WNK1: variants seen among roughly 807,000 people sequenced by gnomAD.
The protein encoded by WNK1 is serine/threonine-protein kinase WNK1.
WNK1 carries 38 observed loss-of-function variants against 222.8 expected under a neutral mutation model. That is an observed-to-expected ratio of 0.17 (90% CI 0.13 to 0.22). The LOEUF is 0.22. Ranked by LOEUF, WNK1 falls within the 10% of genes least tolerant of loss-of-function variation. WNK1 has a pLI of 1.00. For missense variants in WNK1, 2,348 were observed against 2,918.4 expected, an observed-to-expected ratio of 0.80 and a Z score of 4.50; for synonymous variants, 1,090 against 1,092.9, an observed-to-expected ratio of 1.00 and a Z score of 0.05.
At chr12:802,622 A>T (rs866476652) in intron 1 of WNK1, among the ~76,000 whole-genome samples, 15 of 149,294 alleles carry the variant, frequency 1.0e-4, no homozygotes, top group Middle Eastern at 3.4e-3. Context: ...AAGGACAATT[A>T]AAAAAAAAAT....
At chr12:762,685 G>A (rs1254629477) in intron 1 of WNK1, among the ~76,000 whole-genome samples, 1 of 147,546 alleles carries the variant, frequency 6.8e-6, no homozygotes, top group East Asian at 2.0e-4. Context: ...ACAGGGGGAA[G>A]TGTAGAGATT....
At chr12:815,282 A>G (rs1364843378) in intron 2 of WNK1, among the ~76,000 whole-genome samples, 2 of 152,172 alleles carry the variant, frequency 1.3e-5, no homozygotes, top group African/African-American at 4.8e-5. Flanking sequence ...GTGAAATTGG[A>G]TATTTTTAAA....
At chr12:826,441 CT>C (rs935016557) in intron 2 of WNK1, among the ~76,000 whole-genome samples, 3 of 152,180 alleles carry the variant, frequency 2.0e-5, no homozygotes, top group African/African-American at 7.2e-5. Context: ...AGGCCCTTTC[CT>C]TAGGTAAAAA....
Position 883,486 on chromosome 12 carries a change from AGGATGTCAGTGT to A in WNK1, c.3585_3596del (p.Asp1195_Val1198del). 1 of 1,613,726 alleles carries A rather than the reference AGGATGTCAGTGT, an allele frequency of 6.2e-7. No homozygotes were observed. Among genetic ancestry groups the A allele is most frequent in the Non-Finnish European group, 8.5e-7 (1 of 1,179,782 alleles). On this transcript the variant is annotated inframe_deletion, in exon 16 of 28. Coordinates refer to ENST00000315939, the MANE Select transcript of WNK1 (RefSeq NM_018979.4). ...GAAAAAGCTGATGAAATGCTCAGTG[AGGATGTCAGTGT>A]GGAACCAGAGGGTGATCAGGGATTG...
chr12:898,272 C>T (rs2154096736), intron 25 of WNK1, among the ~76,000 whole-genome samples: 1 of 152,130 alleles, frequency 6.6e-6, no homozygotes, highest in Non-Finnish European at 1.5e-5. Context: ...ATCACGAGGT[C>T]AGGAGATCAA....
chr12:775,151 C>G (rs540601861), intron 1 of WNK1, among the ~76,000 whole-genome samples: 21 of 152,128 alleles, frequency 1.4e-4, no homozygotes, highest in African/African-American at 4.1e-4. Context: ...TGAAATTGAA[C>G]TTAGTATACA....
chr12:856,513 AC>A (rs1950809595), intron 4 of WNK1, among the ~76,000 whole-genome samples: 1 of 152,144 alleles, frequency 6.6e-6, no homozygotes, highest in African/African-American at 2.4e-5. Flanking sequence ...TTAAACTATT[AC>A]TGTGATGACT....
intron 2 of WNK1, 109 bp downstream of exon 2, chr12:813,923 A>T (rs1423513793): frequency 8.6e-7 from 1 of 1,162,396 alleles, no homozygotes; most frequent in Non-Finnish European, 1.2e-6. Flanking sequence ...AGAAGGGAAC[A>T]GTCCTTCCAA....
At chr12:862,318 A>G (rs771335959) in intron 8 of WNK1, 48 bp downstream of exon 8, 2 of 1,589,380 alleles carry the variant, frequency 1.3e-6, no homozygotes, top group Admixed American at 1.7e-5. Flanking sequence ...GAGCCAATGG[A>G]TAGTCTGCTA....
intron 21 of WNK1, 130 bp from the exon 22 acceptor site, chr12:890,323 C>A: frequency 1.1e-6 from 1 of 923,446 alleles, no homozygotes; most frequent in East Asian, 2.5e-5. Context: ...AAAATGTTCT[C>A]AGACATAAGT....
chr12:804,326 G>A (rs1458767250), intron 1 of WNK1, among the ~76,000 whole-genome samples: 1 of 151,984 alleles, frequency 6.6e-6, no homozygotes, highest in Non-Finnish European at 1.5e-5. Flanking sequence ...TAACTTAGAA[G>A]TATACAGTTT....
chr12:779,736 T>C (rs545263340), intron 1 of WNK1, among the ~76,000 whole-genome samples: 28 of 152,312 alleles, frequency 1.8e-4, no homozygotes, highest in African/African-American at 6.7e-4. Context: ...AAAATTCACA[T>C]ACAGCCGTGT....
At chr12:905,858 C>G (rs1450763879) in intron 26 of WNK1, among the ~76,000 whole-genome samples, 1 of 152,178 alleles carries the variant, frequency 6.6e-6, no homozygotes, top group Non-Finnish European at 1.5e-5. Context: ...GTGGCTCCAG[C>G]AGACACCAAG....
chr12:801,489 G>C (rs933802854), intron 1 of WNK1, among the ~76,000 whole-genome samples: 8 of 149,722 alleles, frequency 5.3e-5, no homozygotes, highest in African/African-American at 2.0e-4. Context: ...ACTCATTGCA[G>C]CCTCAACCTC....
chr12:809,243 A>AATT (rs1555103397), intron 1 of WNK1, among the ~76,000 whole-genome samples: 21 of 104,558 alleles, frequency 2.0e-4, no homozygotes, highest in African/African-American at 4.5e-4. Flanking sequence ...AAAAAAAAAA[A>AATT]TTTTTTTTTT....
chr12:776,412 T>TGTGTGTGTGTG (rs1555082817), intron 1 of WNK1, among the ~76,000 whole-genome samples: 17 of 146,232 alleles, frequency 1.2e-4, no homozygotes, highest in Non-Finnish European at 1.9e-4. Flanking sequence ...GTTTGTGTGT[T>TGTGTGTGTGTG]TGTGTGTGTG....
chr12:781,455 A>G (rs1188837518), intron 1 of WNK1, among the ~76,000 whole-genome samples: 13 of 152,236 alleles, frequency 8.5e-5, no homozygotes, highest in African/African-American at 4.8e-5. Flanking sequence ...CTGTTCATTA[A>G]TCATAACATA....
chr12:786,069 G>A (rs2153974356), intron 1 of WNK1, among the ~76,000 whole-genome samples: 1 of 152,228 alleles, frequency 6.6e-6, no homozygotes, highest in South Asian at 2.1e-4. Context: ...TTTATTTATA[G>A]TCTAATGTAT....
In WNK1 at chr12:880,021, T is replaced by G. The variant is rs1209146414; in HGVS notation, c.2822T>G (p.Val941Gly). 3.1e-6 allele frequency: 5 copies of G among 1,614,104 alleles called. No individual in the cohort carries two copies. The highest frequency in any genetic ancestry group is 4.2e-6 in the Non-Finnish European group (5 of 1,180,002). The change falls in exon 11 of 28, where the codon GTT (valine) becomes GGT (glycine). Residue 941 changes from valine to glycine, a missense_variant. By Grantham distance (109) the Val-to-Gly change is moderately radical. This residue lies in a region of WNK1 where 547 missense variants were observed against 558.3 expected (regional missense o/e 0.98). Transcript: ENST00000315939. ...GAGGTTCCACTTTCCTCTGGAGATG[T>G]TCTGTACCAGGTATTGTGTTAGTTA... ...AAEVPLSSGD[V>G]LYQGFPPRLP...
Sources: gnomAD v4.1 joint callset for allele counts (sites outside exome capture counted in the v4.1 genomes callset) on GRCh38, gnomAD v4.1.1 for gene constraint, gnomAD v4.1.1 regional missense constraint, MANE v1.5 for transcripts, NCBI Gene and HGNC (gene_info 2026-07-23, HGNC 2026-07-21) for gene names.